The following SH3RF3 variants were observed in gnomAD, a reference collection of about 807,000 sequenced individuals.
SH3RF3 encodes the protein E3 ubiquitin-protein ligase SH3RF3.
Under a neutral mutation model 66.3 loss-of-function variants are expected in SH3RF3, and 29 were observed. That is an observed-to-expected ratio of 0.44 (90% confidence interval 0.33 to 0.60). The LOEUF is 0.60. SH3RF3 is among the 20% of genes least tolerant of loss of function. SH3RF3 has a pLI of 0.04. For synonymous variants in SH3RF3, 583 were observed against 532.0 expected (o/e 1.10, Z -1.32); for missense variants, 1,194 against 1,190.9 (o/e 1.00, Z -0.04).
At chr2:109,465,684 C>CAT (rs1678323162) in intron 8 of SH3RF3, among the ~76,000 whole-genome samples, 1 of 152,198 alleles carries the variant, frequency 6.6e-6, no homozygotes, top group Non-Finnish European at 1.5e-5. Context: ...CTACAGGAAG[C>CAT]ATAGCAGCTT....
intron 8 of SH3RF3, among the ~76,000 whole-genome samples, chr2:109,475,270 C>T (rs1022956196): frequency 1.3e-5 from 2 of 152,228 alleles, no homozygotes; most frequent in Non-Finnish European, 2.9e-5. Flanking sequence ...AGCCACCACG[C>T]CCGGCTTCAG....
chr2:109,170,118 A>T (rs1174915152), intron 1 of SH3RF3, among the ~76,000 whole-genome samples: 1 of 152,204 alleles, frequency 6.6e-6, no homozygotes. Flanking sequence ...TTAGGCTATG[A>T]AGGTGTTTTA....
rs1471910489 is a variant in SH3RF3 at position 109,365,258 on chromosome 2, A to G, written c.850-6328A>G. ...TAGTGGAGCTGCTCCTTGAGGCACA[A>G]TTCACAAAGGTGTGGGCCCCCCAGT... On this transcript the variant is annotated intron_variant, in intron 2 of 9. Coordinates refer to ENST00000309415, the MANE Select transcript of SH3RF3 (RefSeq NM_001099289.3). Among the ~76,000 whole-genome samples, 4 of 152,286 alleles carry G rather than the reference A, an allele frequency of 2.6e-5. No homozygotes were observed. In the South Asian group the frequency reaches 8.3e-4, roughly 32 times the overall value.
chr2:109,277,616 C>G (rs536325744), intron 1 of SH3RF3, among the ~76,000 whole-genome samples: 8 of 152,328 alleles, frequency 5.3e-5, no homozygotes, highest in African/African-American at 9.6e-5. Flanking sequence ...GCGTGCGTAG[C>G]TCAGAACTGA....
chr2:109,269,400 T>C (rs1031494366), intron 1 of SH3RF3, among the ~76,000 whole-genome samples: 15 of 152,222 alleles, frequency 9.9e-5, no homozygotes, highest in African/African-American at 3.6e-4. Flanking sequence ...TGCTTCTCCA[T>C]GGCTCTGCTG....
intron 1 of SH3RF3, among the ~76,000 whole-genome samples, chr2:109,190,978 G>A (rs1018789940): frequency 1.3e-4 from 19 of 151,478 alleles, no homozygotes; most frequent in Admixed American, 7.3e-4. Context: ...TAATAGTTGC[G>A]TCAGGCGAGG....
At chr2:109,315,669 A>G (rs1313014548) in intron 1 of SH3RF3, among the ~76,000 whole-genome samples, 2 of 152,232 alleles carry the variant, frequency 1.3e-5, no homozygotes, top group African/African-American at 2.4e-5. Context: ...GGCAGTCTAT[A>G]AAGGGGCGAG....
At chr2:109,156,034 C>G (rs1372060558) in intron 1 of SH3RF3, among the ~76,000 whole-genome samples, 1 of 152,196 alleles carries the variant, frequency 6.6e-6, no homozygotes, top group Admixed American at 6.5e-5. Flanking sequence ...GTCATTTTGC[C>G]CCTGCCTGAA....
intron 6 of SH3RF3, among the ~76,000 whole-genome samples, chr2:109,433,026 C>T (rs1056757106): frequency 6.6e-6 from 1 of 152,250 alleles, no homozygotes; most frequent in African/African-American, 2.4e-5. Flanking sequence ...GTATGCTATG[C>T]GTGTGCAGTG....
At chr2:109,250,154 C>G (rs990223660) in intron 1 of SH3RF3, among the ~76,000 whole-genome samples, 2 of 137,454 alleles carry the variant, frequency 1.5e-5, no homozygotes, top group African/African-American at 5.5e-5. Context: ...TTTTCTCTGT[C>G]TTTAAGGTTT....
intron 2 of SH3RF3, 108 bp downstream of exon 2, chr2:109,348,057 A>C: frequency 7.1e-7 from 1 of 1,412,320 alleles, no homozygotes; most frequent in Non-Finnish European, 9.5e-7. Flanking sequence ...TCAGAGTCTG[A>C]ATCCTGGCTC....
chr2:109,190,438 T>G (rs1012479083), intron 1 of SH3RF3, among the ~76,000 whole-genome samples: 1 of 152,228 alleles, frequency 6.6e-6, no homozygotes, highest in Non-Finnish European at 1.5e-5. Context: ...CCACCCAAAG[T>G]GCTGGGGTTA....
At chr2:109,287,444 A>C (rs1681053693) in intron 1 of SH3RF3, among the ~76,000 whole-genome samples, 1 of 152,124 alleles carries the variant, frequency 6.6e-6, no homozygotes, top group Non-Finnish European at 1.5e-5. Flanking sequence ...GTGCTTAGGT[A>C]TCTCTAGGCT....
chr2:109,280,833 G>C (rs185162207), intron 1 of SH3RF3, among the ~76,000 whole-genome samples: 1 of 152,300 alleles, frequency 6.6e-6, no homozygotes, highest in Non-Finnish European at 1.5e-5. Flanking sequence ...ACAGTGGTCG[G>C]CTGTTTTATG....
In SH3RF3 at chr2:109,423,240, G is replaced by A. The variant is rs1167590436; in HGVS notation, c.1403+3598G>A. 2.0e-5 allele frequency among the ~76,000 whole-genome samples: 3 copies of A among 152,128 alleles called. No homozygotes were observed. The East Asian group carries it at 5.8e-4, about 29-fold the overall frequency. Reference sequence around the variant, plus strand: ...GGAAAGGGAAGCCCAGGGGAATCGTGGCCAGCGGTTTTCATCCTCCCCTGC... The same window carrying A: ...GGAAAGGGAAGCCCAGGGGAATCGTAGCCAGCGGTTTTCATCCTCCCCTGC... On this transcript the variant is annotated intron_variant, in intron 5 of 9. Transcript: ENST00000309415.
At chr2:109,420,531 C>T (rs950256031) in intron 5 of SH3RF3, among the ~76,000 whole-genome samples, 8 of 152,184 alleles carry the variant, frequency 5.3e-5, no homozygotes, top group Non-Finnish European at 7.4e-5. Flanking sequence ...CTGCAAGCTC[C>T]GCCCCCCAGG....
intron 1 of SH3RF3, among the ~76,000 whole-genome samples, chr2:109,250,316 G>T (rs1200369217): frequency 6.6e-6 from 1 of 151,992 alleles, no homozygotes; most frequent in Non-Finnish European, 1.5e-5. Flanking sequence ...CAGAGCCAAC[G>T]TGGGGGTTTC....
At chr2:109,282,981 C>T (rs542895449) in intron 1 of SH3RF3, among the ~76,000 whole-genome samples, 5 of 152,278 alleles carry the variant, frequency 3.3e-5, no homozygotes, top group South Asian at 4.1e-4. Context: ...GTCCTACTCC[C>T]TCACGTGGAG....
At chr2:109,240,844 C>A (rs1269745399) in intron 1 of SH3RF3, among the ~76,000 whole-genome samples, 1 of 150,756 alleles carries the variant, frequency 6.6e-6, no homozygotes, top group Non-Finnish European at 1.5e-5. Context: ...CCTGACACCC[C>A]CACCCCCACC....
Sources: allele counts gnomAD v4.1 joint callset (sites outside exome capture counted in the v4.1 genomes callset), GRCh38; gene constraint gnomAD v4.1.1; transcripts MANE v1.5; gene names NCBI Gene and HGNC (gene_info 2026-07-23, HGNC 2026-07-21).